Variants in SLC9A7 observed in about 807,000 individuals in gnomAD.
SLC9A7 encodes sodium/hydrogen exchanger 7.
A neutral mutation model predicts 52.6 loss-of-function variants in SLC9A7; 19 were observed. That is an observed-to-expected ratio of 0.36 (90% CI 0.25 to 0.53). The LOEUF is 0.53. Ranked by LOEUF, SLC9A7 falls within the 20% of genes least tolerant of loss-of-function variation. The pLI, the probability that SLC9A7 is intolerant of heterozygous loss-of-function variation, is 0.91. For synonymous variants in SLC9A7, 226 were observed against 252.1 expected (o/e 0.90, Z 0.98); for missense variants, 455 against 597.9 (o/e 0.76, Z 2.49).
chrX:46,687,968 G>T (rs927400751), intron 1 of SLC9A7, among the ~76,000 whole-genome samples: 5 of 112,145 alleles, frequency 4.5e-5, no homozygotes, highest in Non-Finnish European at 9.4e-5. Context: ...CTTTCACTTA[G>T]TATGTTTTCA....
intron 10 of SLC9A7, among the ~76,000 whole-genome samples, chrX:46,650,522 C>A (rs1425940744): frequency 9.1e-6 from 1 of 109,560 alleles, no homozygotes; most frequent in Admixed American, 9.8e-5. Context: ...GAGAAAGAGT[C>A]TTTCCCACCA....
At chrX:46,710,281 G>A (rs1944667389) in intron 1 of SLC9A7, among the ~76,000 whole-genome samples, 1 of 112,066 alleles carries the variant, frequency 8.9e-6, no homozygotes, top group African/African-American at 3.2e-5. Context: ...GCAGGGACAA[G>A]TGGGAAGACA....
At position 46,599,727 on chromosome X, in the gene SLC9A7, T is replaced by A. The variant is rs1045177608; in HGVS notation, c.*7225A>T. On this transcript the variant is annotated 3_prime_UTR_variant, in exon 17 of 17. Transcript: ENST00000616978. ...TTAATTTTTCACAGTTATACTTTAA[T>A]GTCATTTTATATAACGTTTATTTAT... is the stretch of plus-strand genomic sequence containing the variant. 8.9e-6 allele frequency: 1 copy of A among 111,831 alleles called. No homozygotes were observed. Among genetic ancestry groups the A allele is most frequent in the Non-Finnish European group, 1.9e-5 (1 of 53,219 alleles). The allele number at this position is 111,831 out of a possible 1,213,427, so 9.2% of individuals were successfully genotyped here.
chrX:46,643,180 C>T lies in SLC9A7; in HGVS notation c.1616+56G>A, dbSNP rs1943432610. 2.7e-6 allele frequency: 3 copies of T among 1,106,690 alleles called. No individual in the cohort carries two copies. In the African/African-American group the frequency reaches 5.3e-5, roughly 20 times the overall value. The allele number at this position is 1,106,690 out of a possible 1,213,427, so 91.2% of individuals were successfully genotyped here. On this transcript the variant is annotated intron_variant, in intron 12 of 16. Transcript: ENST00000616978. ...AGCACATCCTGCACAGGTTGTTGAA[C>T]ATTCTCAGGAACGGTGACAACTGAC...
intron 1 of SLC9A7, among the ~76,000 whole-genome samples, chrX:46,694,369 A>G (rs1249841121): frequency 9.0e-6 from 1 of 111,423 alleles, no homozygotes; most frequent in Non-Finnish European, 1.9e-5. Context: ...AAGAACTTGT[A>G]TCTAGGATAT....
At chrX:46,635,876 C>T (rs992436176) in intron 12 of SLC9A7, among the ~76,000 whole-genome samples, 1 of 111,682 alleles carries the variant, frequency 9.0e-6, no homozygotes, top group Non-Finnish European at 1.9e-5. Flanking sequence ...GAGGATTGAT[C>T]AGGAATGAGG....
At chrX:46,645,921 G>A (rs1057073978) in intron 11 of SLC9A7, among the ~76,000 whole-genome samples, 1 of 111,177 alleles carries the variant, frequency 9.0e-6, no homozygotes, top group Non-Finnish European at 1.9e-5. Flanking sequence ...GATCACGTGG[G>A]ATTATTTCAA....
At chrX:46,748,355 AAAAGAAAGAAAG>A (rs1921945261) in intron 1 of SLC9A7, among the ~76,000 whole-genome samples, 1 of 59,964 alleles carries the variant, frequency 1.7e-5, no homozygotes, top group Admixed American at 2.4e-4. Context: ...AAAAAAAAAA[AAAAGAAAGAAAG>A]GAAGGAAGGA....
At chrX:46,688,133 C>G (rs1944324911) in intron 1 of SLC9A7, among the ~76,000 whole-genome samples, 1 of 112,223 alleles carries the variant, frequency 8.9e-6, no homozygotes, top group South Asian at 3.7e-4. Flanking sequence ...AATAACGCTG[C>G]TATGAACATT....
At chrX:46,686,756 A>G (rs1437339975) in intron 1 of SLC9A7, among the ~76,000 whole-genome samples, 1 of 112,181 alleles carries the variant, frequency 8.9e-6, no homozygotes, top group African/African-American at 3.2e-5. Flanking sequence ...CAGGGAAAAT[A>G]GCACATAAAA....
At chrX:46,698,325 C>T (rs1001332013) in intron 1 of SLC9A7, among the ~76,000 whole-genome samples, 7 of 111,356 alleles carry the variant, frequency 6.3e-5, no homozygotes, top group African/African-American at 1.6e-4. Context: ...ATGTCTCCCC[C>T]GGATGCCCAG....
At chrX:46,627,781 G>A (rs775910952) in intron 14 of SLC9A7, among the ~76,000 whole-genome samples, 3 of 108,595 alleles carry the variant, frequency 2.8e-5, no homozygotes, top group Non-Finnish European at 3.8e-5. Context: ...GGCGGGTTGG[G>A]GGGGGGGCGG....
chrX:46,724,021 A>C (rs1944905063), intron 1 of SLC9A7, among the ~76,000 whole-genome samples: 1 of 112,406 alleles, frequency 8.9e-6, no homozygotes, highest in African/African-American at 3.2e-5. Flanking sequence ...TGAACCTAGG[A>C]GGCAGAGGTT....
At chrX:46,643,202 T>C (rs776954372) in intron 12 of SLC9A7, 34 bp downstream of exon 12, 1 of 1,177,383 alleles carries the variant, frequency 8.5e-7, no homozygotes, top group South Asian at 1.9e-5. Context: ...CGGTGACAAC[T>C]GACATACTCA....
intron 1 of SLC9A7, among the ~76,000 whole-genome samples, chrX:46,693,960 T>C (rs1366244914): frequency 9.1e-6 from 1 of 109,466 alleles, no homozygotes; most frequent in African/African-American, 3.3e-5. Flanking sequence ...GAAAAACAAA[T>C]ACCACATTTT....
At chrX:46,609,367 T>C (rs907108154) in intron 16 of SLC9A7, among the ~76,000 whole-genome samples, 5 of 111,698 alleles carry the variant, frequency 4.5e-5, no homozygotes, top group African/African-American at 1.3e-4. Context: ...AGCCCAGACA[T>C]AGTACTCAAG....
At chrX:46,613,451 T>C (rs1428583259) in intron 15 of SLC9A7, 57 bp from the exon 16 acceptor site, 5 of 914,339 alleles carry the variant, frequency 5.5e-6, no homozygotes, top group African/African-American at 4.0e-5. Flanking sequence ...CACAACAAAA[T>C]GTGCTTAAAA....
intron 3 of SLC9A7, 152 bp downstream of exon 3, chrX:46,679,526 T>C (rs1053650121): frequency 1.9e-5 from 8 of 411,437 alleles, no homozygotes; most frequent in Middle Eastern, 3.7e-4. Context: ...AAAACAGAAA[T>C]GAATCATTGA....
chrX:46,643,086 T>TA (rs1389580825), intron 12 of SLC9A7, 150 bp downstream of exon 12: 19 of 480,683 alleles, frequency 4.0e-5, no homozygotes, highest in Non-Finnish European at 5.3e-5. Context: ...CTTATTGTTT[T>TA]AAAAAAAATT....
Sources: gnomAD v4.1 joint callset for allele counts (sites outside exome capture counted in the v4.1 genomes callset) on GRCh38, gnomAD v4.1.1 for gene constraint, MANE v1.5 for transcripts, NCBI Gene and HGNC (gene_info 2026-07-23, HGNC 2026-07-21) for gene names.